The following SEMA5B variants were observed in gnomAD, a reference collection of about 807,000 sequenced individuals.
The protein encoded by SEMA5B is semaphorin 5B.
SEMA5B carries 66 observed loss-of-function variants against 135.0 expected under a neutral mutation model. The ratio of observed to expected loss-of-function variants is 0.49; its 90% confidence interval spans 0.40 to 0.60. SEMA5B has a LOEUF of 0.60. Ranked by LOEUF, SEMA5B falls within the 20% of genes least tolerant of loss-of-function variation. The probability of loss-of-function intolerance (pLI) is 0.00; values close to 1 mark genes in which losing one functional copy is unlikely to be tolerated. For missense variants in SEMA5B, 1,501 were observed against 1,566.3 expected (o/e 0.96, Z 0.70); for synonymous variants, 690 against 639.5 (o/e 1.08, Z -1.19).
chr3:123,012,818 C>A (rs1047268586), intron 1 of SEMA5B, among the ~76,000 whole-genome samples: 6 of 152,192 alleles, frequency 3.9e-5, no homozygotes, highest in African/African-American at 9.7e-5. Context: ...CCAGGCCACA[C>A]CAGAATTGCC....
chr3:122,913,956 C>A lies in SEMA5B; in HGVS notation c.2034G>T (p.Thr678=), dbSNP rs993637237. 2 of 1,611,754 alleles carry A rather than the reference C, an allele frequency of 1.2e-6. No homozygotes were observed. Among genetic ancestry groups the A allele is most frequent in the Non-Finnish European group, 8.5e-7 (1 of 1,179,528 alleles). Residue 678 remains threonine (T), a synonymous_variant, in exon 15 of 23, where the codon ACG becomes ACT. Coordinates refer to ENST00000357599, the MANE Select transcript of SEMA5B (RefSeq NM_001031702.4). ...GGACCTGGAAGCCGATGCCACAGGA[C>A]GTGCTGCACAGCGCCCACGATGACC... The part of the protein sequence containing the change: ...TPWSSWALCS[T]SCGIGFQVRQ...
At chr3:123,002,432 A>T (rs924375664) in intron 1 of SEMA5B, among the ~76,000 whole-genome samples, 9 of 152,236 alleles carry the variant, frequency 5.9e-5, no homozygotes, top group African/African-American at 2.2e-4. Context: ...CAAGTTTCCC[A>T]GTTCATTTTC....
chr3:122,913,694 G>C lies in SEMA5B; in HGVS notation c.2133-13C>G. The C allele has an allele frequency of 6.2e-7, 1 of 1,612,562 alleles. No homozygotes were observed. Among genetic ancestry groups the C allele is most frequent in the Non-Finnish European group, 8.5e-7 (1 of 1,179,258 alleles). ...CTCATTACAGAACCTGGGGTCGGGG[G>C]AGAGGCGTCAATCCAGGGAGGGGGA... On this transcript the variant is annotated splice_polypyrimidine_tract_variant and intron_variant, in intron 15 of 22. Transcript: ENST00000357599.
intron 1 of SEMA5B, among the ~76,000 whole-genome samples, chr3:122,974,086 G>A (rs1344925476): frequency 6.6e-6 from 1 of 152,044 alleles, no homozygotes; most frequent in Non-Finnish European, 1.5e-5. Context: ...GGGAGAGAGA[G>A]CCCAGGCACA....
At chr3:122,952,412 C>G (rs1940098965) in intron 2 of SEMA5B, among the ~76,000 whole-genome samples, 1 of 152,210 alleles carries the variant, frequency 6.6e-6, no homozygotes, top group Non-Finnish European at 1.5e-5. Context: ...CAACCCGAGG[C>G]CCAGTCCTAG....
At chr3:122,984,608 G>T (rs1941638112) in intron 1 of SEMA5B, among the ~76,000 whole-genome samples, 1 of 152,052 alleles carries the variant, frequency 6.6e-6, no homozygotes, top group Admixed American at 6.5e-5. Context: ...AACGACAAAG[G>T]TTACCCATTG....
chr3:122,999,235 C>CT (rs1314285931), intron 1 of SEMA5B, among the ~76,000 whole-genome samples: 11 of 151,314 alleles, frequency 7.3e-5, no homozygotes, highest in Non-Finnish European at 8.9e-5. Flanking sequence ...GTAGATTTTT[C>CT]TTTTTTTTTA....
intron 12 of SEMA5B, among the ~76,000 whole-genome samples, chr3:122,921,002 T>C (rs535048634): frequency 6.6e-6 from 1 of 152,326 alleles, no homozygotes; most frequent in South Asian, 2.1e-4. Context: ...CTCCCCCTCC[T>C]TGGCTGCCTC....
intron 2 of SEMA5B, among the ~76,000 whole-genome samples, chr3:122,954,039 G>T (rs1408217241): frequency 6.6e-6 from 1 of 152,244 alleles, no homozygotes; most frequent in African/African-American, 2.4e-5. Context: ...GTGTGTGGTG[G>T]TCATATTCTT....
chr3:122,926,449 T>G lies in SEMA5B; in HGVS notation c.1079A>C (p.Gln360Pro). Residue 360 changes from glutamine to proline, a missense_variant, in exon 9 of 23, where the codon CAG (glutamine) becomes CCG (proline). Around this residue, in one of 2 missense-constraint regions of SEMA5B, gnomAD observed 574 missense variants for 684.7 expected, o/e 0.84. Transcript: ENST00000357599. ...GEVPFYYNELQSAFHLPEQDL... is the reference protein window; with the variant it reads ...GEVPFYYNELPSAFHLPEQDL... Reference sequence around the variant, plus strand: ...CTGCTCCGGCAAGTGGAAGGCACTCTGCAGCTCGTTATAGTAGAAGGGGAC... The same window carrying G: ...CTGCTCCGGCAAGTGGAAGGCACTCGGCAGCTCGTTATAGTAGAAGGGGAC... 6.2e-7 allele frequency: 1 copy of G among 1,614,210 alleles called. No individual in the cohort carries two copies. Among genetic ancestry groups the G allele is most frequent in the Non-Finnish European group, 8.5e-7 (1 of 1,180,034 alleles).
At chr3:122,962,408 G>C (rs1182084512) in intron 1 of SEMA5B, among the ~76,000 whole-genome samples, 1 of 152,206 alleles carries the variant, frequency 6.6e-6, no homozygotes, top group Non-Finnish European at 1.5e-5. Context: ...AGGCCCGGCG[G>C]GTGGTGGAGA....
At chr3:122,929,888 T>G (rs1442847540) in intron 5 of SEMA5B, among the ~76,000 whole-genome samples, 1 of 152,178 alleles carries the variant, frequency 6.6e-6, no homozygotes, top group Non-Finnish European at 1.5e-5. Flanking sequence ...CTTCTTCCCC[T>G]TCATCTATTC....
intron 10 of SEMA5B, 51 bp downstream of exon 10, chr3:122,923,566 C>G: frequency 1.9e-6 from 3 of 1,606,628 alleles, no homozygotes; most frequent in South Asian, 2.2e-5. Context: ...GGCTGGTAAT[C>G]TGGGGGTAAG....
intron 2 of SEMA5B, among the ~76,000 whole-genome samples, chr3:122,949,758 G>T (rs1019627815): frequency 1.3e-5 from 2 of 152,088 alleles, no homozygotes; most frequent in African/African-American, 4.8e-5. Flanking sequence ...ATCTGCTGAT[G>T]CCACCCAGAC....
intron 1 of SEMA5B, chr3:122,992,732 C>T (rs557789509): frequency 6.6e-5 from 10 of 152,340 alleles, no homozygotes; most frequent in East Asian, 1.9e-4. Flanking sequence ...CACTGTGACT[C>T]GCTTAGGTAC....
intron 4 of SEMA5B, among the ~76,000 whole-genome samples, chr3:122,941,270 T>C (rs976635122): frequency 3.9e-5 from 6 of 152,168 alleles, no homozygotes; most frequent in Non-Finnish European, 5.9e-5. Flanking sequence ...GGTCTAGAAT[T>C]GAGTTTCCCT....
intron 8 of SEMA5B, 23 bp downstream of exon 8, chr3:122,927,767 C>A: frequency 7.2e-7 from 1 of 1,396,010 alleles, no homozygotes; most frequent in Non-Finnish European, 9.4e-7. Context: ...GAGTCCCCAC[C>A]CCTGGCACTG....
At chr3:122,975,910 C>T in intron 1 of SEMA5B, 7 of 1,493,190 alleles carry the variant, frequency 4.7e-6, no homozygotes, top group Non-Finnish European at 5.4e-6. Context: ...CAGACTCCCT[C>T]TCCTGCCCCC....
At chr3:122,951,083 A>G (rs995283607) in intron 2 of SEMA5B, among the ~76,000 whole-genome samples, 8 of 152,162 alleles carry the variant, frequency 5.3e-5, no homozygotes, top group African/African-American at 1.7e-4. Context: ...ACAGGCATGC[A>G]CCATCATGCC....
Sources: gnomAD v4.1 joint callset for allele counts (sites outside exome capture counted in the v4.1 genomes callset) on GRCh38, gnomAD v4.1.1 for gene constraint, gnomAD v4.1.1 regional missense constraint, MANE v1.5 for transcripts, NCBI Gene and HGNC (gene_info 2026-07-23, HGNC 2026-07-21) for gene names.